The following ALOX5 variants were observed in gnomAD, a reference collection of about 807,000 sequenced individuals.
ALOX5 encodes the protein polyunsaturated fatty acid 5-lipoxygenase.
A neutral mutation model predicts 87.9 loss-of-function variants in ALOX5; 64 were observed. The observed-to-expected ratio is 0.73, with a 90% CI of 0.60 to 0.90. The LOEUF (loss-of-function observed/expected upper bound fraction) is 0.90, where lower values mean the gene tolerates loss of function less well. ALOX5 is among the 40% of genes least tolerant of loss of function. ALOX5 has a pLI of 0.00. For synonymous variants in ALOX5, 388 were observed against 355.1 expected, an observed-to-expected ratio of 1.09 and a Z score of -1.04; for missense variants, 822 against 907.5, an observed-to-expected ratio of 0.91 and a Z score of 1.21.
At chr10:45,405,912 G>A (rs1840866910) in intron 3 of ALOX5, among the ~76,000 whole-genome samples, 3 of 152,036 alleles carry the variant, frequency 2.0e-5, no homozygotes, top group South Asian at 4.1e-4. Flanking sequence ...CTCCTGCCAC[G>A]TGTTTTCATA....
At chr10:45,427,899 C>T (rs1841778723) in intron 6 of ALOX5, among the ~76,000 whole-genome samples, 1 of 152,134 alleles carries the variant, frequency 6.6e-6, no homozygotes, top group South Asian at 2.1e-4. Flanking sequence ...GCAAGCCCGA[C>T]GAATTTACAC....
intron 3 of ALOX5, among the ~76,000 whole-genome samples, chr10:45,406,378 A>G (rs770529142): frequency 3.9e-5 from 6 of 152,238 alleles, no homozygotes; most frequent in Non-Finnish European, 5.9e-5. Flanking sequence ...ATAACTTTCT[A>G]ATAAATGTTA....
In ALOX5 at chr10:45,428,627, A is replaced by G; in HGVS notation, c.844A>G (p.Ile282Val). The part of the protein sequence containing the change: ...SLEQEVQQGN[I>V]FIVDFELLDG... ...TCTCTGCCTCCTGCAGCAAGGGAAC[A>G]TTTTCATCGTGGACTTTGAGCTGCT... is the stretch of plus-strand genomic sequence containing the variant. The change falls in exon 7 of 14, where the codon ATT becomes GTT. Residue 282 changes from isoleucine to valine, a missense_variant. Coordinates refer to ENST00000374391, the MANE Select transcript of ALOX5 (RefSeq NM_000698.5). 6.2e-7 allele frequency: 1 copy of G among 1,614,050 alleles called. No individual in the cohort carries two copies. Among genetic ancestry groups the G allele is most frequent in the East Asian group, 2.2e-5 (1 of 44,866 alleles).
chr10:45,385,263 C>A (rs998643013), intron 2 of ALOX5, among the ~76,000 whole-genome samples: 3 of 152,144 alleles, frequency 2.0e-5, no homozygotes, highest in African/African-American at 7.2e-5. Context: ...CCCCTTAAAT[C>A]TAATATTTCA....
chr10:45,415,199 C>T (rs528365614), intron 4 of ALOX5, among the ~76,000 whole-genome samples: 20 of 152,220 alleles, frequency 1.3e-4, no homozygotes, highest in African/African-American at 2.6e-4. Context: ...TGTCCATCAC[C>T]GATAGACTGG....
chr10:45,430,144 G>A lies in ALOX5; in HGVS notation c.981+1380G>A, dbSNP rs1042855340. Among the ~76,000 whole-genome samples the A allele has an allele frequency of 3.3e-5, 5 of 152,206 alleles. 1 individual carries two copies. The highest frequency in any genetic ancestry group is 7.3e-5 in the Non-Finnish European group (5 of 68,038). On this transcript the variant is annotated intron_variant, in intron 7 of 13. Transcript: ENST00000374391. Reference sequence around the variant, plus strand: ...ATCCCCGGAGATCCCAGGCACCACTGATGGTGCCTTCAAAAGCTTGGCTCA... The same window carrying A: ...ATCCCCGGAGATCCCAGGCACCACTAATGGTGCCTTCAAAAGCTTGGCTCA...
intron 7 of ALOX5, among the ~76,000 whole-genome samples, chr10:45,435,380 G>A (rs543337316): frequency 9.9e-5 from 15 of 151,946 alleles, no homozygotes; most frequent in Non-Finnish European, 1.6e-4. Context: ...CAAATACTGA[G>A]CATAGTACCC....
chr10:45,401,731 T>G (rs1191014335), intron 3 of ALOX5, among the ~76,000 whole-genome samples: 4 of 152,188 alleles, frequency 2.6e-5, no homozygotes, highest in African/African-American at 9.7e-5. Flanking sequence ...TATGTGAAAT[T>G]TGTATACATT....
At chr10:45,424,819 C>A in intron 5 of ALOX5, 141 bp from the exon 6 acceptor site, 1 of 958,888 alleles carries the variant, frequency 1.0e-6, no homozygotes, top group Non-Finnish European at 1.6e-6. Flanking sequence ...CAGGGGGCAG[C>A]AGTTGGAGCT....
intron 3 of ALOX5, among the ~76,000 whole-genome samples, chr10:45,406,984 G>A (rs1386380252): frequency 6.6e-6 from 1 of 152,112 alleles, no homozygotes; most frequent in Non-Finnish European, 1.5e-5. Context: ...GCTGTATTTA[G>A]GAGTTTATTG....
rs79591917 is a variant in ALOX5 at position 45,438,863 on chromosome 10, C to G, written c.982-1567C>G. On this transcript the variant is annotated intron_variant, in intron 7 of 13. Coordinates refer to ENST00000374391, the MANE Select transcript of ALOX5 (RefSeq NM_000698.5). ...AGACAGGCACGCCTAATGTGCAAGT[C>G]ACACTCTGCTCTCCCTCCTCCCTCC... Among the ~76,000 whole-genome samples the G allele has an allele frequency of 3.8e-3, 581 of 152,286 alleles. 12 individuals carry two copies. The East Asian group carries it at 0.053, about 14-fold the overall frequency.
chr10:45,390,529 T>G (rs1487000085), intron 2 of ALOX5, among the ~76,000 whole-genome samples: 1 of 152,196 alleles, frequency 6.6e-6, no homozygotes, highest in African/African-American at 2.4e-5. Context: ...AACTCAAGAT[T>G]AAGAAACTCA....
intron 7 of ALOX5, 142 bp from the exon 8 acceptor site, chr10:45,440,288 A>AC: frequency 1.2e-6 from 1 of 836,548 alleles, no homozygotes; most frequent in Non-Finnish European, 1.9e-6. Context: ...AGGGCCCTTT[A>AC]CCCCCTCCAG....
chr10:45,412,158 T>C, intron 3 of ALOX5, 33 bp from the exon 4 acceptor site: 1 of 1,613,838 alleles, frequency 6.2e-7, no homozygotes, highest in Non-Finnish European at 8.5e-7. Flanking sequence ...AGGCTGGCAT[T>C]TAACTCAATT....
At chr10:45,391,540 C>G (rs1370018736) in intron 2 of ALOX5, among the ~76,000 whole-genome samples, 1 of 152,102 alleles carries the variant, frequency 6.6e-6, no homozygotes, top group African/African-American at 2.4e-5. Flanking sequence ...AGGAGCGTCT[C>G]TGCCTGGCCA....
chr10:45,390,772 G>A (rs1043604177), intron 2 of ALOX5, among the ~76,000 whole-genome samples: 2 of 152,242 alleles, frequency 1.3e-5, no homozygotes, highest in Middle Eastern at 3.4e-3. Flanking sequence ...TAACATCACA[G>A]TTAAAAGAAC....
At chr10:45,395,803 G>C (rs1252296797) in intron 2 of ALOX5, 52 bp from the exon 3 acceptor site, 9 of 1,525,966 alleles carry the variant, frequency 5.9e-6, no homozygotes, top group Non-Finnish European at 8.2e-6. Context: ...TTGGCATTGG[G>C]CATTGTTATT....
chr10:45,393,137 A>G (rs1454064775), intron 2 of ALOX5, among the ~76,000 whole-genome samples: 1 of 152,208 alleles, frequency 6.6e-6, no homozygotes, highest in Non-Finnish European at 1.5e-5. Flanking sequence ...AAAGCCTGGC[A>G]GATACACACA....
chr10:45,424,036 T>A lies in ALOX5; in HGVS notation c.555-5T>A, dbSNP rs763720759. 6.2e-6 allele frequency: 10 copies of A among 1,612,276 alleles called. No individual in the cohort carries two copies. The African/African-American group carries it at 1.2e-4, about 19-fold the overall frequency. On this transcript the variant is annotated splice_region_variant and splice_polypyrimidine_tract_variant and intron_variant, in intron 4 of 13. Coordinates refer to ENST00000374391, the MANE Select transcript of ALOX5 (RefSeq NM_000698.5). The stretch of plus-strand genomic sequence containing the variant: ...GCGCAAGGTGACCTCTCTCCTGGTC[T>A]GCAGGATGGAGAACCTGTTCATCAA...
Sources: allele counts gnomAD v4.1 joint callset (sites outside exome capture counted in the v4.1 genomes callset), GRCh38; gene constraint gnomAD v4.1.1; transcripts MANE v1.5; gene names NCBI Gene and HGNC (gene_info 2026-07-23, HGNC 2026-07-21).